Variants in VPS4B observed in about 807,000 individuals in gnomAD.
VPS4B encodes the protein vacuolar protein sorting-associated protein 4B.
A neutral mutation model predicts 56.1 loss-of-function variants in VPS4B; 23 were observed. The observed-to-expected ratio is 0.41, with a 90% CI of 0.30 to 0.58. VPS4B has a LOEUF of 0.58. Ranked by LOEUF, VPS4B falls within the 20% of genes least tolerant of loss-of-function variation. The pLI is 0.29. For missense variants in VPS4B, 372 were observed against 531.9 expected, an observed-to-expected ratio of 0.70 and a Z score of 2.96; for synonymous variants, 177 against 186.0, an observed-to-expected ratio of 0.95 and a Z score of 0.39.
intron 8 of VPS4B, among the ~76,000 whole-genome samples, chr18:63,397,497 T>C (rs1321208593): frequency 6.6e-6 from 1 of 152,172 alleles, no homozygotes; most frequent in Non-Finnish European, 1.5e-5. Flanking sequence ...TGTTCCTATG[T>C]CTGGAATTCA....
At chr18:63,420,639 T>G (rs187599503) in intron 1 of VPS4B, among the ~76,000 whole-genome samples, 5 of 152,296 alleles carry the variant, frequency 3.3e-5, no homozygotes, top group Non-Finnish European at 7.4e-5. Flanking sequence ...TGACCAACGC[T>G]TTTTCCAAAT....
chr18:63,407,297 C>T, intron 4 of VPS4B, 135 bp downstream of exon 4: 1 of 745,234 alleles, frequency 1.3e-6, no homozygotes, highest in Non-Finnish European at 2.2e-6. Flanking sequence ...AAAGCCAGCA[C>T]ATGACTATTG....
intron 8 of VPS4B, among the ~76,000 whole-genome samples, chr18:63,398,628 G>A (rs1915737598): frequency 6.6e-6 from 1 of 151,838 alleles, no homozygotes; most frequent in Non-Finnish European, 1.5e-5. Context: ...ATGAGGTCAA[G>A]AGATCGAGAC....
At chr18:63,416,169 T>A (rs1414936196) in intron 1 of VPS4B, 1 of 173,198 alleles carries the variant, frequency 5.8e-6, no homozygotes, top group Non-Finnish European at 1.3e-5. Flanking sequence ...TTGCTGTTTC[T>A]GTCCACATCT....
intron 1 of VPS4B, among the ~76,000 whole-genome samples, chr18:63,418,333 G>C (rs1195151240): frequency 6.6e-6 from 1 of 152,018 alleles, no homozygotes; most frequent in Non-Finnish European, 1.5e-5. Flanking sequence ...CTCCCTCTCC[G>C]CAGCATTTAA....
At chr18:63,403,138 T>G (rs1215060291) in intron 5 of VPS4B, among the ~76,000 whole-genome samples, 1 of 152,264 alleles carries the variant, frequency 6.6e-6, no homozygotes, top group Non-Finnish European at 1.5e-5. Flanking sequence ...CTAGAGGTTA[T>G]GCACTTCCTC....
intron 3 of VPS4B, among the ~76,000 whole-genome samples, chr18:63,408,138 T>G (rs186422647): frequency 6.6e-6 from 1 of 152,274 alleles, no homozygotes; most frequent in East Asian, 1.9e-4. Flanking sequence ...AAAAAGTAAC[T>G]CATATTATAG....
intron 1 of VPS4B, among the ~76,000 whole-genome samples, chr18:63,421,552 C>T (rs759819006): frequency 2.4e-4 from 37 of 152,218 alleles, no homozygotes; most frequent in Non-Finnish European, 4.9e-4. Flanking sequence ...TAAGAAATTT[C>T]TTTTCTGAAC....
chr18:63,391,617 G>T (rs927104957), intron 10 of VPS4B, among the ~76,000 whole-genome samples: 9 of 152,158 alleles, frequency 5.9e-5, no homozygotes, highest in African/African-American at 2.2e-4. Flanking sequence ...CTGATCAAAT[G>T]GCTCCCCAAT....
chr18:63,411,337 TGGA>T, intron 2 of VPS4B, 127 bp downstream of exon 2: 1 of 602,110 alleles, frequency 1.7e-6, no homozygotes, highest in Non-Finnish European at 2.5e-6. Flanking sequence ...AGAAAGAAAG[TGGA>T]GTATTTTTTT....
rs527970389 is a variant in VPS4B at position 63,422,171 on chromosome 18, C to T, written c.27+62G>A. 17 of 1,429,308 alleles carry T rather than the reference C, an allele frequency of 1.2e-5. No homozygotes were observed. The South Asian group carries it at 2.3e-4, about 20-fold the overall frequency. 88.5% of individuals were successfully genotyped at this position (1,429,308 alleles called of 1,614,324 possible). ...TTCCTCCCTTCTCCCCGCCCCCCAC[C>T]CGCTTCTCGCGCCTCCCCTCGATCC... On this transcript the variant is annotated intron_variant, in intron 1 of 10. Coordinates refer to ENST00000238497, the MANE Select transcript of VPS4B (RefSeq NM_004869.4).
chr18:63,405,230 G>A (rs1333678698), intron 4 of VPS4B, among the ~76,000 whole-genome samples: 1 of 152,228 alleles, frequency 6.6e-6, no homozygotes, highest in East Asian at 1.9e-4. Context: ...TACTTCCAAT[G>A]ATATAAATTT....
intron 1 of VPS4B, among the ~76,000 whole-genome samples, chr18:63,414,767 T>C (rs17767196): frequency 0.036 from 5,447 of 152,310 alleles, 103 homozygotes; most frequent in African/African-American, 0.044. Flanking sequence ...CTAACTATAA[T>C]TTTCTTCTCA....
chr18:63,394,469 C>CT lies in VPS4B; in HGVS notation c.1093-921dup, dbSNP rs554481058. On this transcript the variant is annotated intron_variant, in intron 9 of 10. Coordinates refer to ENST00000238497, the MANE Select transcript of VPS4B (RefSeq NM_004869.4). ...AGTCTGCATCAACTTGGAGGCACTT[C>CT]TTTTTTTTTTTTTTTGAGACGGAGT... 6.9e-3 allele frequency among the ~76,000 whole-genome samples: 988 copies of CT among 142,978 alleles called. 1 individual carries two copies. Among genetic ancestry groups the CT allele is most frequent in the South Asian group, 0.019 (87 of 4,522 alleles). The allele number at this position is 142,978 out of a possible 152,430, so 93.8% of individuals were successfully genotyped here. A position where few individuals can be genotyped will look rare whatever the true frequency, so the allele number is the denominator to read the frequency against.
chr18:63,394,632 A>G (rs1286156878), intron 9 of VPS4B, among the ~76,000 whole-genome samples: 1 of 152,062 alleles, frequency 6.6e-6, no homozygotes, highest in African/African-American at 2.4e-5. Context: ...ACGCCGAGCT[A>G]ATTTTTGTAT....
chr18:63,399,723 T>C (rs9956855), intron 7 of VPS4B, among the ~76,000 whole-genome samples: 81,215 of 151,988 alleles, frequency 0.53, 22,185 homozygotes, highest in East Asian at 0.88. Flanking sequence ...GTAAAAATTA[T>C]GTATGCATAT....
At chr18:63,395,717 G>C (rs1915654695) in intron 9 of VPS4B, among the ~76,000 whole-genome samples, 1 of 152,152 alleles carries the variant, frequency 6.6e-6, no homozygotes, top group African/African-American at 2.4e-5. Context: ...CAAAAGGGTT[G>C]GTCCAGATTA....
At chr18:63,417,255 C>A (rs775541648) in intron 1 of VPS4B, among the ~76,000 whole-genome samples, 3 of 152,126 alleles carry the variant, frequency 2.0e-5, no homozygotes, top group Non-Finnish European at 2.9e-5. Flanking sequence ...GGTGTTAGTT[C>A]TGTTTCTCTG....
Position 63,391,085 on chromosome 18 carries a change from G to A in VPS4B, c.1234-9C>T, listed in dbSNP as rs1220487604. 7.0e-6 allele frequency: 11 copies of A among 1,565,244 alleles called. No individual in the cohort carries two copies. In the South Asian group the frequency reaches 1.2e-4, roughly 17 times the overall value. On this transcript the variant is annotated splice_polypyrimidine_tract_variant and intron_variant, in intron 10 of 10. Transcript: ENST00000238497. ...GACCGCAACATATCCGACTGTCAGGGAAAAAGAAGGGTAGGGAGGATATTA... is the reference window on the plus strand; with the variant it reads ...GACCGCAACATATCCGACTGTCAGGAAAAAAGAAGGGTAGGGAGGATATTA...
Sources: gnomAD v4.1 joint callset for allele counts (sites outside exome capture counted in the v4.1 genomes callset) on GRCh38, gnomAD v4.1.1 for gene constraint, MANE v1.5 for transcripts, NCBI Gene and HGNC (gene_info 2026-07-23, HGNC 2026-07-21) for gene names.